Variants in FRYL observed in about 807,000 individuals in gnomAD.
FRYL encodes FRY like transcription coactivator, also known as protein furry homolog-like.
A neutral mutation model predicts 351.2 loss-of-function variants in FRYL; 150 were observed. That is an observed-to-expected ratio of 0.43 (90% CI 0.37 to 0.49). The LOEUF is 0.49. Ranked by LOEUF, FRYL falls within the 20% of genes least tolerant of loss-of-function variation. FRYL has a pLI of 0.00. For missense variants in FRYL, 3,036 were observed against 3,619.3 expected (o/e 0.84, Z 4.13); for synonymous variants, 1,153 against 1,257.1 (o/e 0.92, Z 1.75).
intron 1 of FRYL, among the ~76,000 whole-genome samples, chr4:48,724,185 C>T (rs1769817559): frequency 6.6e-6 from 1 of 151,950 alleles, no homozygotes; most frequent in Non-Finnish European, 1.5e-5. Context: ...TAAATGTATT[C>T]ACTCCACCAA....
chr4:48,777,942 T>G (rs1431058135), intron 1 of FRYL, among the ~76,000 whole-genome samples: 1 of 152,078 alleles, frequency 6.6e-6, no homozygotes, highest in Non-Finnish European at 1.5e-5. Flanking sequence ...TCCCAGCACT[T>G]TGAGAGGCCA....
At chr4:48,553,468 G>T in intron 35 of FRYL, 85 bp from the exon 36 acceptor site, 1 of 916,710 alleles carries the variant, frequency 1.1e-6, no homozygotes. Context: ...ATCAGAGTAA[G>T]TTCAACTTTA....
At chr4:48,563,830 T>C in intron 31 of FRYL, 118 bp downstream of exon 31, 1 of 1,056,606 alleles carries the variant, frequency 9.5e-7, no homozygotes, top group Non-Finnish European at 1.4e-6. Flanking sequence ...CTGGAACCAA[T>C]CCCCCACAGA....
intron 1 of FRYL, among the ~76,000 whole-genome samples, chr4:48,751,977 C>T (rs1053886897): frequency 4.1e-4 from 62 of 151,914 alleles, no homozygotes; most frequent in Middle Eastern, 3.4e-3. Context: ...TTTAAACCAA[C>T]GAAACATACA....
Position 48,509,671 on chromosome 4 carries a change from C to T in FRYL, c.8394+388G>A, listed in dbSNP as rs558358972. ...CTAATTCACTACATGCTTTTTTCTC[C>T]CACTGCTTGCCCATGTACATGTACA... On this transcript the variant is annotated intron_variant, in intron 59 of 63. Transcript: ENST00000358350. Among the ~76,000 whole-genome samples, 32 of 152,174 alleles carry T rather than the reference C, an allele frequency of 2.1e-4. No individual in the cohort carries two copies. The East Asian group carries it at 3.7e-3, about 17-fold the overall frequency.
At chr4:48,678,874 T>G (rs1764196324) in intron 3 of FRYL, among the ~76,000 whole-genome samples, 1 of 152,082 alleles carries the variant, frequency 6.6e-6, no homozygotes, top group Non-Finnish European at 1.5e-5. Context: ...TATTTGCAAA[T>G]TAATACAAAT....
intron 24 of FRYL, among the ~76,000 whole-genome samples, 172 bp downstream of exon 24, chr4:48,575,858 C>A (rs1739489947): frequency 3.3e-5 from 5 of 152,202 alleles, no homozygotes; most frequent in Admixed American, 3.3e-4. Flanking sequence ...TTGATTCCAA[C>A]TAGGAATCCA....
intron 1 of FRYL, among the ~76,000 whole-genome samples, chr4:48,721,869 A>C (rs1447126732): frequency 6.6e-6 from 1 of 152,088 alleles, no homozygotes; most frequent in Non-Finnish European, 1.5e-5. Flanking sequence ...TGAACTCCTG[A>C]CCTTAGGTGA....
At chr4:48,530,499 A>C (rs1182460840) in intron 50 of FRYL, among the ~76,000 whole-genome samples, 2 of 152,106 alleles carry the variant, frequency 1.3e-5, no homozygotes, top group African/African-American at 2.4e-5. Flanking sequence ...ACGCCAACTA[A>C]AAATCCTTTA....
At chr4:48,541,044 T>G in intron 45 of FRYL, 84 bp from the exon 46 acceptor site, 1 of 1,285,424 alleles carries the variant, frequency 7.8e-7, no homozygotes. Flanking sequence ...CACTGAAAAA[T>G]AGTAACTGGT....
At chr4:48,762,956 AACCTTTTAT>A (rs1774559274) in intron 1 of FRYL, among the ~76,000 whole-genome samples, 1 of 152,134 alleles carries the variant, frequency 6.6e-6, no homozygotes, top group Admixed American at 6.6e-5. Context: ...GAAAAGACCC[AACCTTTTAT>A]ACTATTCTCC....
intron 55 of FRYL, among the ~76,000 whole-genome samples, chr4:48,518,161 T>G (rs1203008434): frequency 1.3e-5 from 2 of 152,206 alleles, no homozygotes; most frequent in Non-Finnish European, 2.9e-5. Flanking sequence ...TCCACTGGTG[T>G]TACGGTGTAT....
intron 47 of FRYL, among the ~76,000 whole-genome samples, chr4:48,538,486 G>C (rs1461900943): frequency 6.6e-6 from 1 of 152,088 alleles, no homozygotes; most frequent in African/African-American, 2.4e-5. Context: ...TCATTGGGTT[G>C]CCAGTATTTT....
At chr4:48,762,698 C>T (rs1312876847) in intron 1 of FRYL, among the ~76,000 whole-genome samples, 2 of 152,144 alleles carry the variant, frequency 1.3e-5, no homozygotes, top group African/African-American at 2.4e-5. Flanking sequence ...TGAACACACA[C>T]TAAAATTTTT....
intron 2 of FRYL, among the ~76,000 whole-genome samples, chr4:48,699,251 G>T (rs1766495973): frequency 6.6e-6 from 1 of 152,302 alleles, no homozygotes; most frequent in South Asian, 2.1e-4. Flanking sequence ...TCCTTATATT[G>T]ATTCTGAACC....
intron 1 of FRYL, among the ~76,000 whole-genome samples, chr4:48,770,422 C>CTTTTTTA (rs1553887362): frequency 1.3e-5 from 2 of 151,684 alleles, no homozygotes; most frequent in Non-Finnish European, 2.9e-5. Context: ...TTGTTAATGT[C>CTTTTTTA]TTTTTTATTT....
chr4:48,509,491 C>A (rs1004213031), intron 59 of FRYL, among the ~76,000 whole-genome samples: 12 of 152,208 alleles, frequency 7.9e-5, no homozygotes, highest in Non-Finnish European at 1.8e-4. Context: ...TAATTACCTA[C>A]TGTATGCAGT....
At chr4:48,693,304 C>A (rs1238052295) in intron 2 of FRYL, among the ~76,000 whole-genome samples, 1 of 152,110 alleles carries the variant, frequency 6.6e-6, no homozygotes, top group Non-Finnish European at 1.5e-5. Context: ...TCTTCTTTAT[C>A]TATCTAAAAA....
intron 1 of FRYL, among the ~76,000 whole-genome samples, chr4:48,717,111 G>T (rs1768939760): frequency 7.7e-6 from 1 of 129,042 alleles, no homozygotes; most frequent in Admixed American, 8.6e-5. Context: ...ATCACACTCT[G>T]GGGACTGTTG....
Sources: allele counts gnomAD v4.1 joint callset (sites outside exome capture counted in the v4.1 genomes callset), GRCh38; gene constraint gnomAD v4.1.1; transcripts MANE v1.5; gene names NCBI Gene and HGNC (gene_info 2026-07-23, HGNC 2026-07-21).